The following FGF14 variants were observed in gnomAD, a reference collection of about 807,000 sequenced individuals.
The protein encoded by FGF14 is fibroblast growth factor homologous factor 4.
A neutral mutation model predicts 25.5 loss-of-function variants in FGF14; 5 were observed. That is an observed-to-expected ratio of 0.20 (90% confidence interval 0.10 to 0.41). The LOEUF (loss-of-function observed/expected upper bound fraction) is 0.41. Ranked by LOEUF, FGF14 falls within the 10% of genes least tolerant of loss-of-function variation. FGF14 has a pLI of 1.00. For synonymous variants in FGF14, 138 were observed against 118.3 expected (o/e 1.17, Z -1.08); for missense variants, 222 against 320.1 (o/e 0.69, Z 2.34).
At chr13:102,012,899 T>C (rs1430787927) in intron 1 of FGF14, among the ~76,000 whole-genome samples, 1 of 152,158 alleles carries the variant, frequency 6.6e-6, no homozygotes, top group African/African-American at 2.4e-5. Context: ...TCTCATAAAG[T>C]GATGCCAAGT....
chr13:102,217,801 C>T (rs1207196990), intron 1 of FGF14, among the ~76,000 whole-genome samples: 2 of 152,096 alleles, frequency 1.3e-5, no homozygotes, highest in Non-Finnish European at 2.9e-5. Flanking sequence ...GCTGAGATGG[C>T]CCCAGCTGAA....
At chr13:101,960,519 A>T (rs983412530) in intron 1 of FGF14, among the ~76,000 whole-genome samples, 1 of 152,194 alleles carries the variant, frequency 6.6e-6, no homozygotes, top group Non-Finnish European at 1.5e-5. Context: ...AAAGGACATG[A>T]TCCCATTCCT....
chr13:101,795,010 TCA>T (rs2040440186), intron 3 of FGF14, among the ~76,000 whole-genome samples: 1 of 152,200 alleles, frequency 6.6e-6, no homozygotes, highest in Admixed American at 6.6e-5. Context: ...ACCTTTATTG[TCA>T]CATATTAAAA....
At chr13:102,274,781 G>A (rs2053425497) in intron 1 of FGF14, among the ~76,000 whole-genome samples, 1 of 151,978 alleles carries the variant, frequency 6.6e-6, no homozygotes, top group Non-Finnish European at 1.5e-5. Flanking sequence ...TTCTGGTTAT[G>A]TCTGACTTGG....
At chr13:101,781,572 A>T (rs185038741) in intron 3 of FGF14, among the ~76,000 whole-genome samples, 12 of 152,320 alleles carry the variant, frequency 7.9e-5, no homozygotes, top group African/African-American at 2.6e-4. Flanking sequence ...TTTAATTATT[A>T]AAAAATATGG....
At chr13:101,735,418 C>A (rs2036113761) in intron 3 of FGF14, among the ~76,000 whole-genome samples, 1 of 151,930 alleles carries the variant, frequency 6.6e-6, no homozygotes, top group Non-Finnish European at 1.5e-5. Context: ...AATTATATAG[C>A]CTATCACCCT....
intron 1 of FGF14, among the ~76,000 whole-genome samples, chr13:102,290,550 G>A (rs557034948): frequency 1.3e-5 from 2 of 152,154 alleles, no homozygotes; most frequent in African/African-American, 4.8e-5. Context: ...CTAAGATTGA[G>A]AGAAACATAT....
At chr13:101,752,546 T>G (rs935803444) in intron 3 of FGF14, among the ~76,000 whole-genome samples, 3 of 152,222 alleles carry the variant, frequency 2.0e-5, no homozygotes, top group African/African-American at 7.2e-5. Flanking sequence ...CTCTGTATCA[T>G]TTCAGAATGC....
At chr13:101,795,330 G>A (rs1267935006) in intron 3 of FGF14, among the ~76,000 whole-genome samples, 2 of 152,006 alleles carry the variant, frequency 1.3e-5, no homozygotes, top group African/African-American at 4.8e-5. Flanking sequence ...AGTCCTTTTA[G>A]GACTGCATAT....
At chr13:101,791,850 AC>A (rs2040253644) in intron 3 of FGF14, among the ~76,000 whole-genome samples, 1 of 152,160 alleles carries the variant, frequency 6.6e-6, no homozygotes, top group Admixed American at 6.6e-5. Context: ...CATTTGGAGA[AC>A]CCACTTGAAA....
intron 1 of FGF14, among the ~76,000 whole-genome samples, chr13:102,105,373 A>G (rs1471358581): frequency 1.3e-5 from 2 of 152,154 alleles, no homozygotes; most frequent in Non-Finnish European, 2.9e-5. Context: ...ACCATGGTTG[A>G]CCTCTATCGG....
At chr13:102,220,212 G>A (rs2050546611) in intron 1 of FGF14, among the ~76,000 whole-genome samples, 1 of 152,060 alleles carries the variant, frequency 6.6e-6, no homozygotes, top group Admixed American at 6.6e-5. Flanking sequence ...TTTTACTTGA[G>A]AAGAGGCATC....
chr13:101,950,113 C>T (rs1381451964), intron 1 of FGF14, among the ~76,000 whole-genome samples: 1 of 151,984 alleles, frequency 6.6e-6, no homozygotes, highest in East Asian at 1.9e-4. Context: ...CTATGGAAGT[C>T]ATCTTGTACC....
rs143567115 is a variant in FGF14, at chr13:102,225,112, C to T, written c.208+176359G>A. Among the ~76,000 whole-genome samples the T allele has an allele frequency of 4.9e-3, 744 of 152,248 alleles. 3 individuals carry two copies. The highest frequency in any genetic ancestry group is 8.0e-3 in the Non-Finnish European group (546 of 68,014). ...TGATTTAGAAAGCTCTCCTCCTCCA[C>T]GAGAGCTCCTCCTCCTGTGAGTTTT... On this transcript the variant is annotated intron_variant, in intron 1 of 4. Transcript: ENST00000376131.
At chr13:101,987,289 T>C (rs1052255114) in intron 1 of FGF14, among the ~76,000 whole-genome samples, 4 of 152,098 alleles carry the variant, frequency 2.6e-5, no homozygotes, top group Non-Finnish European at 5.9e-5. Flanking sequence ...AGTCTTCCTA[T>C]CCCAAGTCTG....
At chr13:101,782,495 C>T (rs2039559538) in intron 3 of FGF14, among the ~76,000 whole-genome samples, 1 of 152,116 alleles carries the variant, frequency 6.6e-6, no homozygotes, top group Non-Finnish European at 1.5e-5. Flanking sequence ...ATTAATTAAG[C>T]CTAGTACCCA....
intron 1 of FGF14, among the ~76,000 whole-genome samples, chr13:102,086,665 C>A (rs1167093402): frequency 6.6e-6 from 1 of 152,156 alleles, no homozygotes; most frequent in Non-Finnish European, 1.5e-5. Context: ...ATCTGAAGAT[C>A]ACCTATGCTA....
intron 1 of FGF14, among the ~76,000 whole-genome samples, chr13:102,096,149 C>G (rs896296980): frequency 2.0e-5 from 3 of 151,728 alleles, no homozygotes; most frequent in African/African-American, 7.2e-5. Context: ...AAATAATGAC[C>G]TTTTAGCAAA....
chr13:101,725,458 A>C (rs1292302854), intron 4 of FGF14, among the ~76,000 whole-genome samples: 1 of 152,094 alleles, frequency 6.6e-6, no homozygotes, highest in Non-Finnish European at 1.5e-5. Flanking sequence ...AGAAAAATAT[A>C]ATTAAGAGTG....
Sources: allele counts gnomAD v4.1 joint callset (sites outside exome capture counted in the v4.1 genomes callset), GRCh38; gene constraint gnomAD v4.1.1; transcripts MANE v1.5; gene names NCBI Gene and HGNC (gene_info 2026-07-23, HGNC 2026-07-21).